DLGAP1: variants seen among roughly 807,000 people sequenced by gnomAD.
The protein encoded by DLGAP1 is DLG associated protein 1, also known as disks large-associated protein 1.
Under a neutral mutation model 90.8 loss-of-function variants are expected in DLGAP1, and 11 were observed. The observed-to-expected ratio is 0.12, with a 90% CI of 0.08 to 0.20. The LOEUF (loss-of-function observed/expected upper bound fraction) is 0.20. DLGAP1 is among the 10% of genes least tolerant of loss of function. The pLI is 1.00. For missense variants in DLGAP1, 1,050 were observed against 1,333.8 expected (o/e 0.79, Z 3.31); for synonymous variants, 558 against 540.7 (o/e 1.03, Z -0.44).
At chr18:3,741,127 C>G in intron 6 of DLGAP1, among the ~76,000 whole-genome samples, 1 of 117,638 alleles carries the variant, frequency 8.5e-6, no homozygotes, top group Non-Finnish European at 1.8e-5. Context: ...ACCATCACCA[C>G]CACCACCACA....
intron 9 of DLGAP1, among the ~76,000 whole-genome samples, chr18:3,551,194 CT>C (rs1478129648): frequency 1.4e-5 from 2 of 141,336 alleles, no homozygotes; most frequent in South Asian, 2.2e-4. Context: ...CATATAAATG[CT>C]TTTTTTCTGA....
chr18:4,265,921 C>T (rs1343852076), intron 1 of DLGAP1, among the ~76,000 whole-genome samples: 1 of 151,696 alleles, frequency 6.6e-6, no homozygotes, highest in African/African-American at 2.4e-5. Flanking sequence ...CTCCTTGGCT[C>T]AAGCGATCCT....
chr18:3,718,799 G>T (rs2061853836), intron 7 of DLGAP1, among the ~76,000 whole-genome samples: 1 of 151,950 alleles, frequency 6.6e-6, no homozygotes, highest in African/African-American at 2.4e-5. Context: ...GGTGGCAGGT[G>T]CCTGTAATCC....
intron 9 of DLGAP1, among the ~76,000 whole-genome samples, chr18:3,559,336 A>G (rs1179485354): frequency 6.6e-6 from 1 of 152,218 alleles, no homozygotes; most frequent in African/African-American, 2.4e-5. Flanking sequence ...ATGAGCGCTG[A>G]CAGCCAGCTG....
chr18:3,611,149 T>C (rs1395610545), intron 7 of DLGAP1, among the ~76,000 whole-genome samples: 2 of 151,676 alleles, frequency 1.3e-5, no homozygotes, highest in African/African-American at 2.4e-5. Context: ...AAAAAGTGTA[T>C]ACTTTTTTTT....
chr18:4,303,299 A>G (rs996547515), intron 1 of DLGAP1, among the ~76,000 whole-genome samples: 9 of 151,994 alleles, frequency 5.9e-5, no homozygotes, highest in African/African-American at 1.9e-4. Flanking sequence ...CAAAGTTGGG[A>G]GACCAGGTTA....
intron 2 of DLGAP1, among the ~76,000 whole-genome samples, chr18:4,017,297 C>T (rs535340251): frequency 4.3e-4 from 65 of 152,200 alleles, no homozygotes; most frequent in Non-Finnish European, 5.1e-4. Flanking sequence ...TTTGTTCACT[C>T]GTGTACACCA....
intron 1 of DLGAP1, among the ~76,000 whole-genome samples, chr18:4,209,615 T>C (rs565449585): frequency 6.6e-6 from 1 of 152,344 alleles, no homozygotes; most frequent in South Asian, 2.1e-4. Flanking sequence ...TTATATCAAA[T>C]GTAAATCCTT....
At chr18:3,578,487 G>A (rs113767704) in intron 8 of DLGAP1, among the ~76,000 whole-genome samples, 7,330 of 151,724 alleles carry the variant, frequency 0.048, 199 homozygotes, top group African/African-American at 0.087. Flanking sequence ...CTCCCAAGCA[G>A]CTGGGACTAC....
intron 3 of DLGAP1, chr18:3,995,437 CG>C (rs1250805887): frequency 6.6e-6 from 1 of 152,062 alleles, no homozygotes; most frequent in Non-Finnish European, 1.5e-5. Context: ...GTATCTTCTT[CG>C]GGACAGAAAA....
At chr18:3,860,683 T>C (rs1032379982) in intron 4 of DLGAP1, among the ~76,000 whole-genome samples, 3 of 152,260 alleles carry the variant, frequency 2.0e-5, no homozygotes, top group South Asian at 4.2e-4. Context: ...TTGGCTCCCA[T>C]GATCTCCACC....
intron 1 of DLGAP1, among the ~76,000 whole-genome samples, chr18:4,275,987 A>C (rs2079403363): frequency 6.6e-6 from 1 of 152,052 alleles, no homozygotes; most frequent in South Asian, 2.1e-4. Flanking sequence ...GAAAGAGAAC[A>C]TGCAAATATT....
intron 5 of DLGAP1, among the ~76,000 whole-genome samples, chr18:3,788,039 T>C (rs973428395): frequency 1.3e-4 from 20 of 152,204 alleles, no homozygotes; most frequent in African/African-American, 3.1e-4. Flanking sequence ...GTGGGTCCAA[T>C]AGACTTTGTC....
At chr18:3,589,863 T>C (rs2056129139) in intron 7 of DLGAP1, among the ~76,000 whole-genome samples, 1 of 152,200 alleles carries the variant, frequency 6.6e-6, no homozygotes, top group Admixed American at 6.5e-5. Flanking sequence ...GTTCTCCCGA[T>C]TTGGTCCAGG....
intron 3 of DLGAP1, among the ~76,000 whole-genome samples, chr18:3,993,679 C>T (rs768505726): frequency 6.6e-5 from 10 of 152,030 alleles, no homozygotes; most frequent in Admixed American, 1.3e-4. Context: ...CTGGGGATGA[C>T]GAGTTTAGCA....
At chr18:4,345,343 C>G (rs1283838752) in intron 1 of DLGAP1, among the ~76,000 whole-genome samples, 7 of 152,104 alleles carry the variant, frequency 4.6e-5, no homozygotes, top group Admixed American at 4.6e-4. Context: ...GTAAAACTGG[C>G]AATGTAATAT....
chr18:3,837,920 C>G (rs2068496402), intron 4 of DLGAP1, among the ~76,000 whole-genome samples: 2 of 140,218 alleles, frequency 1.4e-5, no homozygotes, highest in African/African-American at 2.6e-5. Flanking sequence ...ACACATTTCT[C>G]TCTCTTGATT....
intron 7 of DLGAP1, chr18:3,655,717 C>T (rs188440407): frequency 1.1e-3 from 231 of 202,684 alleles, no homozygotes; most frequent in Non-Finnish European, 2.0e-3. Flanking sequence ...GGATAAAGGA[C>T]GCTCTAGACC....
chr18:4,232,863 T>TAGTA (rs2078329755), intron 1 of DLGAP1, among the ~76,000 whole-genome samples: 1 of 152,070 alleles, frequency 6.6e-6, no homozygotes, highest in South Asian at 2.1e-4. Context: ...GACCTAGCCT[T>TAGTA]AGAAACCACA....
Sources: allele counts gnomAD v4.1 joint callset (sites outside exome capture counted in the v4.1 genomes callset), GRCh38; gene constraint gnomAD v4.1.1; transcripts MANE v1.5; gene names NCBI Gene and HGNC (gene_info 2026-07-23, HGNC 2026-07-21).